LSS: variants seen among roughly 807,000 people sequenced by gnomAD.
LSS encodes 2,3-epoxysqualene-lanosterol cyclase.
Under a neutral mutation model 110.3 loss-of-function variants are expected in LSS, and 90 were observed. The observed-to-expected ratio is 0.82, with a 90% CI of 0.69 to 0.97. LSS has a LOEUF of 0.97. Ranked by LOEUF, LSS falls within the 50% of genes least tolerant of loss-of-function variation. The pLI is 0.00. For missense variants in LSS, 927 were observed against 990.0 expected, an observed-to-expected ratio of 0.94 and a Z score of 0.85; for synonymous variants, 433 against 400.0, an observed-to-expected ratio of 1.08 and a Z score of -0.98.
At position 46,216,497 on chromosome 21, in the gene LSS, G is replaced by A; in HGVS notation, c.675C>T (p.His225=). 6.2e-7 allele frequency: 1 copy of A among 1,609,538 alleles called. No individual in the cohort carries two copies. The highest frequency in any genetic ancestry group is 1.1e-5 in the South Asian group (1 of 90,904). The change falls in exon 7 of 22, where the codon CAC becomes CAT. Residue 225 remains histidine, a synonymous_variant. Coordinates refer to ENST00000397728, the MANE Select transcript of LSS (RefSeq NM_002340.6). The surrounding 1 kb of genome is among the most constrained non-coding windows in gnomAD (Gnocchi z 4.2). Reference sequence around the variant, plus strand: ...GGCAGTGGCACCAGAGTGTGGAGGGGTGTGCCGGTGCCCAGTCAGGAAACA... The same window carrying A: ...GGCAGTGGCACCAGAGTGTGGAGGGATGTGCCGGTGCCCAGTCAGGAAACA... ...MWLFPDWAPA[H]PSTLWCHCRQ...
chr21:46,193,492 A>G (rs868798890), intron 20 of LSS: 93 of 407,938 alleles, frequency 2.3e-4, no homozygotes, highest in Admixed American at 4.2e-4. Flanking sequence ...ATGCGTATGT[A>G]TGTGTGTGCA....
At chr21:46,215,576 A>G in intron 8 of LSS, 109 bp downstream of exon 8, 1 of 753,440 alleles carries the variant, frequency 1.3e-6, no homozygotes, top group Non-Finnish European at 2.1e-6. Context: ...GGGGCCTGGC[A>G]CAGAGGAGGT....
chr21:46,220,498 G>A (rs1234776066), intron 5 of LSS: 2 of 152,766 alleles, frequency 1.3e-5, no homozygotes, highest in Non-Finnish European at 2.9e-5. Context: ...CCAGGCGAAG[G>A]AGGCAGTGCA....
intron 17 of LSS, among the ~76,000 whole-genome samples, chr21:46,200,366 T>C (rs934991479): frequency 6.6e-6 from 1 of 152,140 alleles, no homozygotes; most frequent in Non-Finnish European, 1.5e-5. Flanking sequence ...GACGTTTACA[T>C]AGTCTAAAAC....
In LSS at chr21:46,213,814, G is replaced by A; in HGVS notation, c.1033C>T (p.Leu345Phe). The A allele has an allele frequency of 6.2e-7, 1 of 1,613,898 alleles. No homozygotes were observed. The highest frequency in any genetic ancestry group is 1.1e-5 in the South Asian group (1 of 91,050). The change falls in exon 10 of 22, where the codon CTT becomes TTT. Residue 345 changes from leucine (L) to phenylalanine (F), a missense_variant. Physicochemically the swap from Leu to Phe is conservative, Grantham distance 22. Coordinates refer to ENST00000397728, the MANE Select transcript of LSS (RefSeq NM_002340.6). ...IGPISKTINM[L>F]VRWYVDGPAS... is the part of the protein sequence containing the mutation. ...GGCCCGTCCACATACCAGCGCACAA[G>A]CATGTTGATGGTTTTCGAGATCTGC...
At chr21:46,206,053 C>T (rs1381011509) in intron 16 of LSS, 112 bp from the exon 17 acceptor site, 6 of 771,608 alleles carry the variant, frequency 7.8e-6, no homozygotes, top group South Asian at 3.4e-5. Context: ...CGGGCCCGGA[C>T]GCTGCCTCCC....
At position 46,189,011 on chromosome 21, in the gene LSS, T is replaced by C; in HGVS notation, c.*2093A>G. On this transcript the variant is annotated 3_prime_UTR_variant, in exon 22 of 22. Transcript: ENST00000397728. ...CCTGCTACTCCTCACGTCACTCTTGTTCCCTAAACCAGGCTGGGCCTCCCA... is the reference window on the plus strand; with the variant it reads ...CCTGCTACTCCTCACGTCACTCTTGCTCCCTAAACCAGGCTGGGCCTCCCA... 3.0e-6 allele frequency: 1 copy of C among 328,724 alleles called. No individual in the cohort carries two copies. 20.4% of individuals were successfully genotyped at this position (328,724 alleles called of 1,614,324 possible). A position where few individuals can be genotyped will look rare whatever the true frequency, so the allele number is the denominator to read the frequency against.
rs745503720 is a variant in LSS, at chr21:46,222,741, G to A, written c.320-3C>T. 1.9e-5 allele frequency: 31 copies of A among 1,611,374 alleles called. No individual in the cohort carries two copies. The highest frequency in any genetic ancestry group is 2.5e-5 in the Non-Finnish European group (29 of 1,178,268). On this transcript the variant is annotated splice_polypyrimidine_tract_variant and splice_region_variant and intron_variant, in intron 3 of 21. Transcript: ENST00000397728. ...CACGTGGCAAGTGATCAGGAGGCCT[G>A]TGTGGCAGGAGAGATGTTCCTCACT...
chr21:46,225,896 G>A (rs138419076), intron 3 of LSS, among the ~76,000 whole-genome samples: 16 of 152,206 alleles, frequency 1.1e-4, no homozygotes, highest in Middle Eastern at 3.4e-3. Context: ...CGGTTTCCAC[G>A]TCTTGGTGGT....
chr21:46,189,571 C>A lies in LSS; in HGVS notation c.*1533G>T, dbSNP rs2079775285. The A allele has an allele frequency of 4.6e-6, 2 of 433,878 alleles. No individual in the cohort carries two copies. Among genetic ancestry groups the A allele is most frequent in the Non-Finnish European group, 9.2e-6 (2 of 216,592 alleles). The allele number at this position is 433,878 out of a possible 1,614,324, so 26.9% of individuals were successfully genotyped here. ...GCTGGACAGAAGACCCCAGAGGGTG[C>A]GGCACCTGGGTGAGAGCCCTGGACT... On this transcript the variant is annotated 3_prime_UTR_variant, in exon 22 of 22. Transcript: ENST00000397728.
At chr21:46,227,151 T>G (rs762386686) in intron 3 of LSS, among the ~76,000 whole-genome samples, 1 of 152,216 alleles carries the variant, frequency 6.6e-6, no homozygotes, top group African/African-American at 2.4e-5. Context: ...GAAGCTCTCC[T>G]GCAATAGCCC....
chr21:46,220,303 T>C (rs1569035153), intron 5 of LSS: 1 of 152,110 alleles, frequency 6.6e-6, no homozygotes, highest in Non-Finnish European at 1.5e-5. Flanking sequence ...GGACGCAGCA[T>C]CAACGACACC....
In LSS at chr21:46,207,551, G is replaced by A. The variant is rs779702093; in HGVS notation, c.1344C>T (p.Asp448=). 1.2e-6 allele frequency: 2 copies of A among 1,609,982 alleles called. No individual in the cohort carries two copies. The highest frequency in any genetic ancestry group is 1.7e-6 in the Non-Finnish European group (2 of 1,178,640). The change falls in exon 15 of 22, where the codon GAC becomes GAT. Residue 448 remains aspartate (D), a synonymous_variant. Transcript: ENST00000397728. ...TGCAGTCAGAAACGATCCAGCCGCA[G>A]TCCAGCGTACTGAAGGAGAAGCCAC... ...RKGGFSFSTL[D]CGWIVSDCTA...
intron 17 of LSS, among the ~76,000 whole-genome samples, chr21:46,203,537 G>A (rs1176750369): frequency 1.3e-5 from 2 of 152,248 alleles, no homozygotes; most frequent in African/African-American, 4.8e-5. Flanking sequence ...TGTTTGCAAA[G>A]AACCTGCTTT....
intron 11 of LSS, among the ~76,000 whole-genome samples, chr21:46,211,740 C>CA (rs1310043990): frequency 1.3e-5 from 2 of 152,146 alleles, no homozygotes; most frequent in Non-Finnish European, 2.9e-5. Context: ...GGCCAGTTTA[C>CA]AAAAACTCAG....
intron 10 of LSS, 142 bp downstream of exon 10, chr21:46,213,596 A>G (rs2080161429): frequency 8.8e-6 from 6 of 680,338 alleles, no homozygotes; most frequent in South Asian, 5.1e-5. Context: ...GGCTTCCACA[A>G]GCCCTGACAC....
intron 2 of LSS, 99 bp from the exon 3 acceptor site, chr21:46,227,789 T>A (rs558741341): frequency 7.4e-7 from 1 of 1,358,938 alleles, no homozygotes; most frequent in Admixed American, 2.1e-5. Context: ...AAACAGTGAA[T>A]GTAAATTACT....
At chr21:46,204,622 CAAAAAAAAAAGA>C (rs894135644) in intron 17 of LSS, among the ~76,000 whole-genome samples, 1 of 138,018 alleles carries the variant, frequency 7.2e-6, no homozygotes, top group African/African-American at 2.7e-5. Context: ...GAACCCATCT[CAAAAAAAAAAGA>C]AAGAAAGAAA....
At position 46,221,881 on chromosome 21, in the gene LSS, G is replaced by A. The variant is rs758168273; in HGVS notation, c.523C>T (p.Arg175Ter). Residue 175 changes from arginine (R) to a stop codon, truncating the protein, a stop_gained, in exon 5 of 22, where the codon CGA (arginine) becomes TGA (stop). Transcript: ENST00000397728. LOFTEE classifies it high-confidence loss of function. ...TTCTTGTGAAGAATGTTCCGGGCTC[G>A]TACCAGGTCAGGATCGTCAGGCCCA... ...GVGPDDPDLVRARNILHKKGG... is the reference protein window; with the variant it reads ...GVGPDDPDLV 7.4e-6 allele frequency: 12 copies of A among 1,613,980 alleles called. No individual in the cohort carries two copies. Among genetic ancestry groups the A allele is most frequent in the South Asian group, 2.2e-5 (2 of 91,084 alleles).
Sources: allele counts gnomAD v4.1 joint callset (sites outside exome capture counted in the v4.1 genomes callset), GRCh38; gene constraint gnomAD v4.1.1; non-coding constraint Gnocchi (gnomAD v3.1); transcripts MANE v1.5; gene names NCBI Gene and HGNC (gene_info 2026-07-23, HGNC 2026-07-21).